Variants in PER3 observed in about 807,000 individuals in gnomAD.
The protein encoded by PER3 is period circadian protein homolog 3.
In PER3, 107 loss-of-function variants were observed where a neutral mutation model predicts 127.2. The ratio of observed to expected loss-of-function variants is 0.84; its 90% CI spans 0.72 to 0.99. The LOEUF is 0.99. Among genes scored for constraint, PER3 ranks in the 50% least tolerant of loss-of-function variants. The probability of loss-of-function intolerance (pLI) is 0.00; values close to 1 mark genes in which losing one functional copy is unlikely to be tolerated. For synonymous variants in PER3, 618 were observed against 585.8 expected (o/e 1.05, Z -0.79); for missense variants, 1,560 against 1,525.8 (o/e 1.02, Z -0.37).
At chr1:7,790,370 G>A (rs540490125) in intron 5 of PER3, among the ~76,000 whole-genome samples, 2 of 152,246 alleles carry the variant, frequency 1.3e-5, no homozygotes, top group South Asian at 4.1e-4. Flanking sequence ...AGTGAAGGAG[G>A]AAGCCCTTTA....
intron 3 of PER3, among the ~76,000 whole-genome samples, chr1:7,786,252 C>T (rs555353942): frequency 1.2e-4 from 18 of 152,208 alleles, no homozygotes; most frequent in African/African-American, 4.3e-4. Context: ...GAGACTCTGT[C>T]TCTAAAAAAT....
chr1:7,793,871 TTTG>T, intron 5 of PER3, 83 bp from the exon 6 acceptor site: 1 of 1,119,774 alleles, frequency 8.9e-7, no homozygotes, highest in Non-Finnish European at 1.4e-6. Flanking sequence ...TAAAAAATAG[TTTG>T]TTGTTTGATA....
intron 19 of PER3, among the ~76,000 whole-genome samples, chr1:7,831,891 G>A (rs979078532): frequency 6.6e-6 from 1 of 152,050 alleles, no homozygotes; most frequent in African/African-American, 2.4e-5. Flanking sequence ...AGTAATTCTG[G>A]CCTCAAAAAA....
At chr1:7,835,275 C>T (rs1211272192) in intron 19 of PER3, among the ~76,000 whole-genome samples, 1 of 152,062 alleles carries the variant, frequency 6.6e-6, no homozygotes, top group Admixed American at 6.6e-5. Flanking sequence ...TATTTGGCGA[C>T]TTGGGTTTAG....
chr1:7,823,928 A>T (rs2151085935), intron 16 of PER3, among the ~76,000 whole-genome samples: 1 of 152,310 alleles, frequency 6.6e-6, no homozygotes, highest in African/African-American at 2.4e-5. Flanking sequence ...AAAAGGATTG[A>T]TGGTGTGTGA....
At chr1:7,842,046 C>T (rs966432627) in intron 21 of PER3, among the ~76,000 whole-genome samples, 56 of 152,044 alleles carry the variant, frequency 3.7e-4, no homozygotes, top group Non-Finnish European at 6.8e-4. Context: ...TACTGTAGGC[C>T]GTTGTAACAC....
chr1:7,784,730 C>T lies in PER3; in HGVS notation c.-148C>T. 1.3e-6 allele frequency: 1 copy of T among 744,216 alleles called. No individual in the cohort carries two copies. Among genetic ancestry groups the T allele is most frequent in the Non-Finnish European group, 2.0e-6 (1 of 510,484 alleles). 46.1% of individuals were successfully genotyped at this position (744,216 alleles called of 1,614,324 possible). A position where few individuals can be genotyped will look rare whatever the true frequency, so the allele number is the denominator to read the frequency against. On this transcript the variant is annotated 5_prime_UTR_variant, in exon 2 of 22. Transcript: ENST00000377532. ...AAAAGCTCCTCGGAGATGAGCGTGA[C>T]CCCCTGGCTCGTGGTGGCCGCCTGT...
Position 7,801,106 on chromosome 1 carries a change from TC to T in PER3, c.794-5del, listed in dbSNP as rs750243133. The T allele has an allele frequency of 1.3e-6, 2 of 1,590,502 alleles. No individual in the cohort carries two copies. The highest frequency in any genetic ancestry group is 1.7e-6 in the Non-Finnish European group (2 of 1,162,480). ...CTTTAAATGGGTCTTTGTTTTTTTT[TC>T]CTTAGCTCCTCGGATCCCAGTGAAT... On this transcript the variant is annotated splice_region_variant and splice_polypyrimidine_tract_variant and intron_variant, in intron 7 of 21. Coordinates refer to ENST00000377532, the MANE Select transcript of PER3 (RefSeq NM_001377275.1).
intron 3 of PER3, 127 bp downstream of exon 3, chr1:7,785,713 T>C: frequency 2.8e-6 from 2 of 705,870 alleles, no homozygotes; most frequent in Non-Finnish European, 4.8e-6. Flanking sequence ...TTGTGGAAGA[T>C]GAGCAAATCT....
chr1:7,787,995 T>C, intron 4 of PER3, 50 bp from the exon 5 acceptor site: 1 of 1,326,416 alleles, frequency 7.5e-7, no homozygotes, highest in Non-Finnish European at 1.1e-6. Context: ...TCAGGGAATA[T>C]TGCTAGTGAG....
Position 7,784,898 on chromosome 1 carries a change from T to G in PER3, c.21T>G (p.Pro7=). 1 of 1,520,534 alleles carries G rather than the reference T, an allele frequency of 6.6e-7. No homozygotes were observed. Among genetic ancestry groups the G allele is most frequent in the Non-Finnish European group, 8.7e-7 (1 of 1,146,730 alleles). 94.2% of individuals were successfully genotyped at this position (1,520,534 alleles called of 1,614,324 possible). A position where few individuals can be genotyped will look rare whatever the true frequency, so the allele number is the denominator to read the frequency against. Residue 7 remains proline, a synonymous_variant, in exon 2 of 22, where the codon CCT becomes CCG. Coordinates refer to ENST00000377532, the MANE Select transcript of PER3 (RefSeq NM_001377275.1). The part of the protein sequence containing the change: MPRGEA[P]GPGRRGAKDE... Reference sequence around the variant, plus strand: ...TCGAGATGCCCCGCGGGGAAGCTCCTGGCCCCGGGAGACGGGGGGCTAAGG... The same window carrying G: ...TCGAGATGCCCCGCGGGGAAGCTCCGGGCCCCGGGAGACGGGGGGCTAAGG...
chr1:7,785,477 T>A lies in PER3; in HGVS notation c.165T>A (p.Leu55=), dbSNP rs2097083035. Residue 55 remains leucine, a synonymous_variant, in exon 3 of 22, where the codon CTT becomes CTA. Transcript: ENST00000377532. ...QQDRNRVSEE[L]IMVVQEMKKY... ...ATCGAAACAGAGTTTCTGAAGAACT[T>A]ATCATGGTTGTCCAAGAAATGAAAA... The A allele has an allele frequency of 5.0e-6, 8 of 1,612,662 alleles. No homozygotes were observed. The highest frequency in any genetic ancestry group is 6.8e-6 in the Non-Finnish European group (8 of 1,178,770).
At chr1:7,803,300 T>A in intron 9 of PER3, 147 bp downstream of exon 9, 1 of 664,856 alleles carries the variant, frequency 1.5e-6, no homozygotes, top group Non-Finnish European at 2.7e-6. Context: ...TTAAACATAC[T>A]AAAACAGGCC....
At chr1:7,816,870 GAATA>G (rs879825896) in intron 13 of PER3, among the ~76,000 whole-genome samples, 1 of 152,186 alleles carries the variant, frequency 6.6e-6, no homozygotes, top group Non-Finnish European at 1.5e-5. Flanking sequence ...ACCTGTACAT[GAATA>G]TTTATTACAC....
intron 21 of PER3, among the ~76,000 whole-genome samples, chr1:7,842,412 A>G (rs1489997078): frequency 6.6e-6 from 1 of 152,006 alleles, no homozygotes; most frequent in East Asian, 1.9e-4. Flanking sequence ...AGGCAAGAGA[A>G]TCGCTTGAAC....
chr1:7,798,806 G>GA, intron 7 of PER3, 133 bp downstream of exon 7: 1 of 678,668 alleles, frequency 1.5e-6, no homozygotes. Flanking sequence ...TCAGGCATTT[G>GA]AAGCTGGTTT....
At chr1:7,785,362 G>C (rs151179542) in intron 2 of PER3, 79 bp from the exon 3 acceptor site, 12 of 1,126,858 alleles carry the variant, frequency 1.1e-5, no homozygotes, top group Non-Finnish European at 1.5e-5. Flanking sequence ...AACTTACCTG[G>C]CTTGCAGTTT....
At chr1:7,796,748 G>A (rs572568232) in intron 6 of PER3, among the ~76,000 whole-genome samples, 7 of 152,274 alleles carry the variant, frequency 4.6e-5, no homozygotes, top group East Asian at 1.9e-4. Context: ...CGTTCCGGGG[G>A]GAGGTATAAA....
intron 20 of PER3, among the ~76,000 whole-genome samples, chr1:7,836,547 T>C (rs2097359549): frequency 6.6e-6 from 1 of 152,192 alleles, no homozygotes; most frequent in South Asian, 2.1e-4. Flanking sequence ...CTTTGAGAAA[T>C]GTGTCTTCAA....
Sources: gnomAD v4.1 joint callset for allele counts (sites outside exome capture counted in the v4.1 genomes callset) on GRCh38, gnomAD v4.1.1 for gene constraint, MANE v1.5 for transcripts, NCBI Gene and HGNC (gene_info 2026-07-23, HGNC 2026-07-21) for gene names.